The following THAP4 variants were observed in gnomAD, a reference collection of about 807,000 sequenced individuals.
THAP4 encodes the protein THAP domain containing 4.
In THAP4, 18 loss-of-function variants were observed where a neutral mutation model predicts 48.1. The ratio of observed to expected loss-of-function variants is 0.37; its 90% CI spans 0.26 to 0.56. The LOEUF (loss-of-function observed/expected upper bound fraction) is 0.56, where lower values mean the gene tolerates loss of function less well. THAP4 is among the 20% of genes least tolerant of loss of function. The pLI is 0.78. For missense variants in THAP4, 656 were observed against 774.9 expected (o/e 0.85, Z 1.82); for synonymous variants, 345 against 324.9 (o/e 1.06, Z -0.66).
intron 2 of THAP4, among the ~76,000 whole-genome samples, chr2:241,615,882 G>A (rs539650346): frequency 1.1e-4 from 16 of 152,296 alleles, no homozygotes; most frequent in Admixed American, 7.8e-4. Flanking sequence ...GCCCTCAGCC[G>A]TGTTTCTGAG....
intron 2 of THAP4, among the ~76,000 whole-genome samples, chr2:241,632,237 C>T (rs1220497143): frequency 1.3e-5 from 2 of 152,036 alleles, no homozygotes; most frequent in African/African-American, 2.4e-5. Context: ...GGATTACAAG[C>T]GTGCACCACC....
At chr2:241,592,518 G>A (rs1196283608) in intron 5 of THAP4, among the ~76,000 whole-genome samples, 1 of 152,190 alleles carries the variant, frequency 6.6e-6, no homozygotes, top group African/African-American at 2.4e-5. Flanking sequence ...ACCAGGCTCA[G>A]TACACAGCTC....
chr2:241,587,340 C>G (rs1386472706), intron 5 of THAP4, among the ~76,000 whole-genome samples: 1 of 152,208 alleles, frequency 6.6e-6, no homozygotes, highest in African/African-American at 2.4e-5. Flanking sequence ...TCCAGGCCCC[C>G]CGACCTTTGG....
intron 2 of THAP4, among the ~76,000 whole-genome samples, chr2:241,615,097 G>GA (rs1345537284): frequency 2.0e-5 from 3 of 152,106 alleles, no homozygotes; most frequent in African/African-American, 7.2e-5. Context: ...TGCGCGAAAA[G>GA]AAAGAAGCCA....
chr2:241,622,655 A>G (rs1197602659), intron 2 of THAP4, among the ~76,000 whole-genome samples: 1 of 152,080 alleles, frequency 6.6e-6, no homozygotes, highest in Non-Finnish European at 1.5e-5. Context: ...GCTGGAGTGC[A>G]GTGGCATAAT....
At chr2:241,594,637 G>T in intron 5 of THAP4, 1 of 292,466 alleles carries the variant, frequency 3.4e-6, no homozygotes, top group Non-Finnish European at 6.8e-6. Context: ...GCATACCTGT[G>T]GCCCCAGCTA....
At position 241,584,535 on chromosome 2, in the gene THAP4, CTG is replaced by C; in HGVS notation, c.*69_*70del. 1.3e-6 allele frequency: 2 copies of C among 1,566,858 alleles called. No homozygotes were observed. Among genetic ancestry groups the C allele is most frequent in the Admixed American group, 1.7e-5 (1 of 59,148 alleles). On this transcript the variant is annotated 3_prime_UTR_variant, in exon 6 of 6. Transcript: ENST00000407315. ...GCCACACCCACTTCTGCCGCAGGGACTGTCTGTTGAGGAGCCGAACCGTTGAG... is the reference window on the plus strand; with the variant it reads ...GCCACACCCACTTCTGCCGCAGGGACTCTGTTGAGGAGCCGAACCGTTGAG...
At chr2:241,632,557 T>C (rs1051581920) in intron 2 of THAP4, among the ~76,000 whole-genome samples, 1 of 152,264 alleles carries the variant, frequency 6.6e-6, no homozygotes, top group Non-Finnish European at 1.5e-5. Context: ...TCTCTTATTT[T>C]CCATCTAGTT....
chr2:241,584,439 C>G lies in THAP4; in HGVS notation c.*167G>C. ...AAATCCTCAGCCATAAAAATAAAGGCCTTTTATTTGGTTTTTCTATGCCAG... is the reference window on the plus strand; with the variant it reads ...AAATCCTCAGCCATAAAAATAAAGGGCTTTTATTTGGTTTTTCTATGCCAG... On this transcript the variant is annotated 3_prime_UTR_variant, in exon 6 of 6. Transcript: ENST00000407315. The G allele has an allele frequency of 1.5e-6, 1 of 653,246 alleles. No homozygotes were observed. The highest frequency in any genetic ancestry group is 2.6e-5 in the East Asian group (1 of 37,882). 40.5% of individuals were successfully genotyped at this position (653,246 alleles called of 1,614,324 possible). A position where few individuals can be genotyped will look rare whatever the true frequency, so the allele number is the denominator to read the frequency against.
At chr2:241,606,136 T>G (rs574075410) in intron 3 of THAP4, among the ~76,000 whole-genome samples, 178 bp downstream of exon 3, 24 of 152,326 alleles carry the variant, frequency 1.6e-4, no homozygotes, top group Admixed American at 7.8e-4. Flanking sequence ...AAAGTATCAT[T>G]TTTACCACTC....
rs920549874 is a variant in THAP4 at position 241,612,779 on chromosome 2, T to C, written c.1241-6306A>G. 6.6e-6 allele frequency among the ~76,000 whole-genome samples: 1 copy of C among 152,130 alleles called. No individual in the cohort carries two copies. Among genetic ancestry groups the C allele is most frequent in the Non-Finnish European group, 1.5e-5 (1 of 68,038 alleles). ...AGCTGCGTTCTGTGGCAGAAGACGC[T>C]AGAGTCACACGTAGAAGGCGCATGA... On this transcript the variant is annotated intron_variant, in intron 2 of 5. Coordinates refer to ENST00000407315, the MANE Select transcript of THAP4 (RefSeq NM_015963.6). The surrounding 1 kb of genome is among the most constrained non-coding windows in gnomAD (Gnocchi z 4.1).
chr2:241,591,454 G>A (rs889618610), intron 5 of THAP4, among the ~76,000 whole-genome samples: 1 of 152,210 alleles, frequency 6.6e-6, no homozygotes, highest in African/African-American at 2.4e-5. Flanking sequence ...TCCATATAAA[G>A]TATACCTCAA....
intron 4 of THAP4, among the ~76,000 whole-genome samples, chr2:241,602,671 T>C (rs1439947398): frequency 6.6e-6 from 1 of 152,190 alleles, no homozygotes. Context: ...CAACCTGTTT[T>C]CCAGCAATTC....
intron 5 of THAP4, among the ~76,000 whole-genome samples, chr2:241,599,360 CAACA>C (rs2067085947): frequency 6.6e-6 from 1 of 152,038 alleles, no homozygotes; most frequent in Admixed American, 6.6e-5. Context: ...GACAAGCATG[CAACA>C]AACATTCACG....
At position 241,637,025 on chromosome 2, in the gene THAP4, CT is replaced by C; in HGVS notation, c.-9del. On this transcript the variant is annotated 5_prime_UTR_variant, in exon 1 of 6. Transcript: ENST00000407315. Reference sequence around the variant, plus strand: ...CGCACAGCAGATCACCATCGCGGGCCTTGGCCCAGCCGCGCAGCCAGGCCCC... The same window carrying C: ...CGCACAGCAGATCACCATCGCGGGCCTGGCCCAGCCGCGCAGCCAGGCCCC... 3 of 1,261,734 alleles carry C rather than the reference CT, an allele frequency of 2.4e-6. No homozygotes were observed. Among genetic ancestry groups the C allele is most frequent in the East Asian group, 5.5e-5 (1 of 18,310 alleles). The allele number at this position is 1,261,734 out of a possible 1,614,324, so 78.2% of individuals were successfully genotyped here. A position where few individuals can be genotyped will look rare whatever the true frequency, so the allele number is the denominator to read the frequency against.
intron 2 of THAP4, among the ~76,000 whole-genome samples, chr2:241,630,914 T>C (rs897247353): frequency 2.6e-5 from 4 of 151,780 alleles, no homozygotes; most frequent in African/African-American, 9.7e-5. Flanking sequence ...TAATCCTAGC[T>C]CCTTGGGAGG....
chr2:241,597,689 C>A (rs1255170086), intron 5 of THAP4, among the ~76,000 whole-genome samples: 4 of 152,202 alleles, frequency 2.6e-5, no homozygotes, highest in Non-Finnish European at 4.4e-5. Context: ...AGGTCCCTGC[C>A]TTCTGTGTGT....
chr2:241,596,234 T>C (rs1213495850), intron 5 of THAP4, among the ~76,000 whole-genome samples: 2 of 151,866 alleles, frequency 1.3e-5, no homozygotes, highest in East Asian at 3.9e-4. Context: ...GGGCGGGGCA[T>C]AGTGGCTCAC....
chr2:241,586,037 C>T (rs867937756), intron 5 of THAP4, among the ~76,000 whole-genome samples: 8 of 150,980 alleles, frequency 5.3e-5, no homozygotes, highest in Middle Eastern at 3.4e-3. Context: ...GGGCGGATCA[C>T]GAGGTAAGGA....
Sources: allele counts gnomAD v4.1 joint callset (sites outside exome capture counted in the v4.1 genomes callset), GRCh38; gene constraint gnomAD v4.1.1; non-coding constraint Gnocchi (gnomAD v3.1); transcripts MANE v1.5; gene names NCBI Gene and HGNC (gene_info 2026-07-23, HGNC 2026-07-21).